PDE1A: variants seen among roughly 807,000 people sequenced by gnomAD.
The protein encoded by PDE1A is phosphodiesterase 1A.
In PDE1A, 35 loss-of-function variants were observed where a neutral mutation model predicts 61.7. The observed-to-expected ratio is 0.57, with a 90% confidence interval of 0.43 to 0.75. The LOEUF is 0.75. Ranked by LOEUF, PDE1A falls within the 30% of genes least tolerant of loss-of-function variation. The pLI is 0.00. For missense variants in PDE1A, 597 were observed against 630.6 expected, an observed-to-expected ratio of 0.95 and a Z score of 0.57; for synonymous variants, 232 against 213.2, an observed-to-expected ratio of 1.09 and a Z score of -0.77.
chr2:182,390,810 T>C (rs1024464953), intron 1 of PDE1A, among the ~76,000 whole-genome samples: 2 of 152,222 alleles, frequency 1.3e-5, no homozygotes, highest in Admixed American at 6.5e-5. Flanking sequence ...CTGTGCCCAG[T>C]AGTGACAACA....
At chr2:182,168,169 A>C in exon 14 of PDE1A, 1 of 1,544,840 alleles carries the variant, frequency 6.5e-7, no homozygotes, top group Non-Finnish European at 8.7e-7. Context: ...GTAGATTTCC[A>C]GCAAGCATAA....
At chr2:182,186,677 G>C in intron 11 of PDE1A, 89 bp from the exon 12 acceptor site, 1 of 1,317,678 alleles carries the variant, frequency 7.6e-7, no homozygotes, top group Non-Finnish European at 1.1e-6. Flanking sequence ...AAGAGCTTCT[G>C]ACAATCCTGG....
chr2:182,222,692 C>A (rs963753474), intron 7 of PDE1A, among the ~76,000 whole-genome samples: 1 of 151,694 alleles, frequency 6.6e-6, no homozygotes, highest in Non-Finnish European at 1.5e-5. Context: ...TTCGATTTTT[C>A]TGTGAATCTA....
the PDE1A span, among the ~76,000 whole-genome samples, chr2:182,650,568 C>G: frequency 3.3e-5 from 5 of 152,068 alleles, no homozygotes; most frequent in Admixed American, 2.0e-4. Flanking sequence ...CCTTATTCCC[C>G]AGAAAGCATC....
At chr2:182,457,987 A>G (rs1399818233) in intron 2 of PDE1A, among the ~76,000 whole-genome samples, 1 of 152,072 alleles carries the variant, frequency 6.6e-6, no homozygotes, top group Non-Finnish European at 1.5e-5. Flanking sequence ...CAAAATTTCT[A>G]TACATCCTCT....
chr2:182,412,744 G>A (rs563585658), intron 1 of PDE1A, among the ~76,000 whole-genome samples: 6 of 151,956 alleles, frequency 3.9e-5, no homozygotes, highest in Non-Finnish European at 4.4e-5. Flanking sequence ...CTAGATACAA[G>A]GTTTTTCTAA....
upstream of PDE1A, among the ~76,000 whole-genome samples, chr2:182,525,113 T>C (rs1209491354): frequency 6.6e-6 from 1 of 152,156 alleles, no homozygotes; most frequent in Non-Finnish European, 1.5e-5. Context: ...AGCATAATAA[T>C]AACATCTCCT....
At chr2:182,167,490 T>C (rs1192440054), downstream of PDE1A, among the ~76,000 whole-genome samples, 4 of 152,156 alleles carry the variant, frequency 2.6e-5, no homozygotes, top group African/African-American at 9.6e-5. Context: ...TGTTTACCCA[T>C]TAGGCATGTG....
chr2:182,469,698 G>A (rs969345416), intron 2 of PDE1A, among the ~76,000 whole-genome samples: 1 of 151,884 alleles, frequency 6.6e-6, no homozygotes, highest in Non-Finnish European at 1.5e-5. Flanking sequence ...CTTTCACTGT[G>A]CCTTCTTCAC....
At chr2:182,345,855 C>T (rs1296468518) in intron 1 of PDE1A, among the ~76,000 whole-genome samples, 1 of 152,168 alleles carries the variant, frequency 6.6e-6, no homozygotes, top group Non-Finnish European at 1.5e-5. Context: ...TGCGTTATTT[C>T]CATAGCATAC....
chr2:182,504,699 T>A (rs976126411), intron 2 of PDE1A, among the ~76,000 whole-genome samples: 7 of 152,212 alleles, frequency 4.6e-5, no homozygotes, highest in South Asian at 4.1e-4. Flanking sequence ...CAGAGAGGCA[T>A]CTTCTGATAA....
At chr2:182,506,563 T>C (rs1419164025) in intron 2 of PDE1A, among the ~76,000 whole-genome samples, 1 of 152,260 alleles carries the variant, frequency 6.6e-6, no homozygotes, top group African/African-American at 2.4e-5. Flanking sequence ...AATCAAATAT[T>C]AGCAAATGTT....
At chr2:182,163,727 T>C (rs1016720399), downstream of PDE1A, among the ~76,000 whole-genome samples, 4 of 152,142 alleles carry the variant, frequency 2.6e-5, no homozygotes, top group African/African-American at 9.7e-5. Context: ...TTGGGTGTGT[T>C]ACCCTAGCCC....
intron 13 of PDE1A, among the ~76,000 whole-genome samples, chr2:182,160,668 A>G (rs1050219521): frequency 6.6e-6 from 1 of 152,082 alleles, no homozygotes; most frequent in Non-Finnish European, 1.5e-5. Context: ...TGGTCACACT[A>G]CCGGCTTCTC....
At chr2:182,201,888 A>C (rs1686688565) in intron 8 of PDE1A, 99 bp from the exon 9 acceptor site, 1 of 733,162 alleles carries the variant, frequency 1.4e-6, no homozygotes, top group South Asian at 1.8e-5. Flanking sequence ...TATAGTTCTT[A>C]ATGGATATGA....
rs974504373 is a variant in PDE1A, at chr2:182,339,709, T to C, written c.54-75295A>G. 3.9e-5 allele frequency among the ~76,000 whole-genome samples: 6 copies of C among 152,230 alleles called. 2 individuals are homozygous for C. The South Asian group carries it at 1.2e-3, about 31-fold the overall frequency. On this transcript the variant is annotated intron_variant, in intron 1 of 13. Coordinates refer to ENST00000351439, the Ensembl canonical transcript of PDE1A. Reference sequence around the variant, plus strand: ...CTCTTTCAGAGGAAATTAAATATTCTACTTCCATCTATGACAGTGGTTCCA... The same window carrying C: ...CTCTTTCAGAGGAAATTAAATATTCCACTTCCATCTATGACAGTGGTTCCA...
chr2:182,234,256 A>C (rs1006566281), intron 4 of PDE1A, among the ~76,000 whole-genome samples, 176 bp downstream of exon 4: 1 of 152,200 alleles, frequency 6.6e-6, no homozygotes, highest in African/African-American at 2.4e-5. Flanking sequence ...ATTTGAATCT[A>C]CAGTGAGTCA....
At chr2:182,263,990 G>A (rs907126498) in intron 2 of PDE1A, among the ~76,000 whole-genome samples, 1 of 152,148 alleles carries the variant, frequency 6.6e-6, no homozygotes, top group Admixed American at 6.5e-5. Flanking sequence ...AAGCCTACAC[G>A]TAACTCTGAC....
intron 1 of PDE1A, among the ~76,000 whole-genome samples, chr2:182,284,679 AT>A (rs1694040777): frequency 6.6e-6 from 1 of 152,054 alleles, no homozygotes; most frequent in Non-Finnish European, 1.5e-5. Flanking sequence ...ATGGGTGGTA[AT>A]TTTTTAATAA....
Sources: allele counts gnomAD v4.1 joint callset (sites outside exome capture counted in the v4.1 genomes callset), GRCh38; gene constraint gnomAD v4.1.1; transcripts MANE v1.5; gene names NCBI Gene and HGNC (gene_info 2026-07-23, HGNC 2026-07-21).